The following HABP2 variants were observed in gnomAD, a reference collection of about 807,000 sequenced individuals.
HABP2 encodes the protein factor VII-activating protease.
In HABP2, 65 loss-of-function variants were observed where a neutral mutation model predicts 66.5. That is an observed-to-expected ratio of 0.98 (90% CI 0.80 to 1.20). The LOEUF (loss-of-function observed/expected upper bound fraction) is 1.20, where lower values mean the gene tolerates loss of function less well. HABP2 is among the 50% of genes most tolerant of loss of function. The pLI, the probability that HABP2 is intolerant of heterozygous loss-of-function variation, is 0.00. For missense variants in HABP2, 786 were observed against 691.0 expected, an observed-to-expected ratio of 1.14 and a Z score of -1.54; for synonymous variants, 263 against 253.9, an observed-to-expected ratio of 1.04 and a Z score of -0.34.
rs1845711580 is a variant in HABP2 at position 113,588,431 on chromosome 10, T to G, written c.*62T>G. ...GGCACCCTGACACCGGGAGGCCTCA[T>G]GGCCAACAATGGACACCTCCAGAGC... On this transcript the variant is annotated 3_prime_UTR_variant, in exon 13 of 13. Coordinates refer to ENST00000351270, the MANE Select transcript of HABP2 (RefSeq NM_004132.5). The G allele has an allele frequency of 7.7e-7, 1 of 1,299,670 alleles. No homozygotes were observed. Among genetic ancestry groups the G allele is most frequent in the Admixed American group, 2.0e-5 (1 of 50,662 alleles). 80.5% of individuals were successfully genotyped at this position (1,299,670 alleles called of 1,614,324 possible).
chr10:113,567,281 A>G lies in HABP2; in HGVS notation c.70-208A>G, dbSNP rs11575665. On this transcript the variant is annotated intron_variant, in intron 1 of 12. Transcript: ENST00000351270. ...CTGTGGAGAAGGACAATGCTTCAGTACTCAGCGCGCACAGGTGGTGGTGGT... is the reference window on the plus strand; with the variant it reads ...CTGTGGAGAAGGACAATGCTTCAGTGCTCAGCGCGCACAGGTGGTGGTGGT... Among the ~76,000 whole-genome samples, 9,933 of 152,200 alleles carry G rather than the reference A, an allele frequency of 0.065. 380 individuals carry two copies. Among genetic ancestry groups the G allele is most frequent in the Middle Eastern group, 0.12 (35 of 294 alleles).
At chr10:113,553,405 G>T (rs1844934256) in intron 1 of HABP2, among the ~76,000 whole-genome samples, 1 of 152,242 alleles carries the variant, frequency 6.6e-6, no homozygotes, top group Admixed American at 6.5e-5. Flanking sequence ...CCATCTTGGA[G>T]CGGAGCCTCC....
At chr10:113,583,395 T>G in intron 10 of HABP2, 37 bp downstream of exon 10, 2 of 1,594,464 alleles carry the variant, frequency 1.3e-6, no homozygotes, top group Non-Finnish European at 1.7e-6. Flanking sequence ...GAGGGTCTTG[T>G]CCTGGGTGGA....
intron 10 of HABP2, 94 bp from the exon 11 acceptor site, chr10:113,584,054 T>C: frequency 9.4e-7 from 1 of 1,069,484 alleles, no homozygotes; most frequent in Non-Finnish European, 1.4e-6. Context: ...CAGGTGGGGC[T>C]TTGCTGTGGC....
At chr10:113,587,075 G>A (rs1056426223) in intron 12 of HABP2, among the ~76,000 whole-genome samples, 1 of 152,374 alleles carries the variant, frequency 6.6e-6, no homozygotes, top group Middle Eastern at 3.4e-3. Context: ...AGCACTTTGG[G>A]AGGCTGAGGC....
chr10:113,572,112 A>G (rs1474111805), intron 2 of HABP2, among the ~76,000 whole-genome samples: 1 of 152,232 alleles, frequency 6.6e-6, no homozygotes, highest in Non-Finnish European at 1.5e-5. Context: ...ACCTGGGGCC[A>G]CTGAGCTCTG....
At chr10:113,585,107 G>C (rs1021092834) in intron 11 of HABP2, among the ~76,000 whole-genome samples, 1 of 152,180 alleles carries the variant, frequency 6.6e-6, no homozygotes, top group Non-Finnish European at 1.5e-5. Context: ...ATACAACTTT[G>C]AGTCTTTTGA....
intron 1 of HABP2, among the ~76,000 whole-genome samples, chr10:113,553,753 C>A (rs928474092): frequency 6.6e-6 from 1 of 152,154 alleles, no homozygotes; most frequent in African/African-American, 2.4e-5. Flanking sequence ...GCAGATGAGG[C>A]AGAGAAGGTG....
Position 113,582,130 on chromosome 10 carries a change from G to A in HABP2, c.1093G>A (p.Asp365Asn), listed in dbSNP as rs553254719. 7.3e-5 allele frequency: 117 copies of A among 1,601,492 alleles called. 5 individuals are homozygous for A. The South Asian group carries it at 9.4e-4, about 13-fold the overall frequency. ...GGTGCTCACTGCTGCCCACTGCACC[G>A]AGTAGGTGCCGCTGGGAGCAGGGAC... ...CWVLTAAHCT[D>N]IKTRHLKVVL... Residue 365 changes from aspartate to asparagine, a missense_variant and splice_region_variant, in exon 9 of 13, where the codon GAC (aspartate) becomes AAC (asparagine). Transcript: ENST00000351270.
At chr10:113,580,800 T>C (rs896372868) in intron 8 of HABP2, 108 bp downstream of exon 8, 1 of 647,762 alleles carries the variant, frequency 1.5e-6, no homozygotes, top group Non-Finnish European at 2.8e-6. Context: ...CCTCCACACC[T>C]GCTTTACCAA....
intron 8 of HABP2, 42 bp downstream of exon 8, chr10:113,580,734 A>ACCAGG: frequency 1.0e-6 from 1 of 979,578 alleles, no homozygotes; most frequent in Non-Finnish European, 1.7e-6. Flanking sequence ...GGTGGGGGGG[A>ACCAGG]TGGAGATTTG....
At position 113,578,650 on chromosome 10, in the gene HABP2, G is replaced by A. The variant is rs1292568005; in HGVS notation, c.592G>A (p.Asp198Asn). Reference protein sequence around the residue: ...EIGSDDCYVGDGYSYRGKMNR... With the variant: ...EIGSDDCYVGNGYSYRGKMNR... Reference sequence around the variant, plus strand: ...AGGTTCTGATGACTGCTATGTTGGCGATGGCTACTCTTACCGAGGGAAAAT... The same window carrying A: ...AGGTTCTGATGACTGCTATGTTGGCAATGGCTACTCTTACCGAGGGAAAAT... The change falls in exon 7 of 13, where the codon GAT becomes AAT. Residue 198 changes from aspartate (D) to asparagine (N), a missense_variant. Coordinates refer to ENST00000351270, the MANE Select transcript of HABP2 (RefSeq NM_004132.5). The A allele has an allele frequency of 9.3e-6, 15 of 1,612,942 alleles. No homozygotes were observed. Among genetic ancestry groups the A allele is most frequent in the Admixed American group, 6.7e-5 (4 of 59,938 alleles).
intron 11 of HABP2, among the ~76,000 whole-genome samples, chr10:113,585,036 C>T (rs1251479420): frequency 1.3e-5 from 2 of 152,110 alleles, no homozygotes; most frequent in African/African-American, 4.8e-5. Context: ...TAATGAATAG[C>T]GAGAATCACG....
At chr10:113,553,311 G>C in intron 1 of HABP2, 121 bp downstream of exon 1, 1 of 743,548 alleles carries the variant, frequency 1.3e-6, no homozygotes, top group Non-Finnish European at 2.4e-6. Context: ...AGTTGGAGAT[G>C]TTCTAACTAC....
At chr10:113,562,822 G>A (rs1352768996) in intron 1 of HABP2, among the ~76,000 whole-genome samples, 2 of 152,166 alleles carry the variant, frequency 1.3e-5, no homozygotes, top group African/African-American at 4.8e-5. Flanking sequence ...TGCCTCTCAA[G>A]GTTAATGAGC....
upstream of HABP2, among the ~76,000 whole-genome samples, chr10:113,552,875 T>C (rs1844922158): frequency 1.3e-5 from 2 of 152,316 alleles, no homozygotes; most frequent in South Asian, 2.1e-4. Flanking sequence ...CTACTTTCTT[T>C]GGAGAGTTTC....
chr10:113,567,230 G>C (rs1383641880), intron 1 of HABP2, among the ~76,000 whole-genome samples: 3 of 152,184 alleles, frequency 2.0e-5, no homozygotes, highest in Admixed American at 6.5e-5. Flanking sequence ...GCAAGGACAG[G>C]TGCAGACAAC....
chr10:113,557,772 GT>G (rs1395888998), intron 1 of HABP2, among the ~76,000 whole-genome samples: 4 of 152,248 alleles, frequency 2.6e-5, no homozygotes, highest in African/African-American at 9.6e-5. Flanking sequence ...ATAATTAATA[GT>G]AGCAGCAACC....
intron 1 of HABP2, among the ~76,000 whole-genome samples, chr10:113,558,719 C>T (rs573321780): frequency 6.6e-6 from 1 of 152,304 alleles, no homozygotes; most frequent in South Asian, 2.1e-4. Context: ...GGTGCTGATG[C>T]CTAGCGGGGG....
Sources: gnomAD v4.1 joint callset for allele counts (sites outside exome capture counted in the v4.1 genomes callset) on GRCh38, gnomAD v4.1.1 for gene constraint, MANE v1.5 for transcripts, NCBI Gene and HGNC (gene_info 2026-07-23, HGNC 2026-07-21) for gene names.